Variants in PPP6R3 observed in about 807,000 individuals in gnomAD.
PPP6R3 encodes the protein serine/threonine-protein phosphatase 6 regulatory subunit 3.
Under a neutral mutation model 110.7 loss-of-function variants are expected in PPP6R3, and 38 were observed. The ratio of observed to expected loss-of-function variants is 0.34; its 90% CI spans 0.26 to 0.45. The LOEUF (loss-of-function observed/expected upper bound fraction) is 0.45, where lower values mean the gene tolerates loss of function less well. Among genes scored for constraint, PPP6R3 ranks in the 20% least tolerant of loss-of-function variants. The pLI is 1.00. For synonymous variants in PPP6R3, 369 were observed against 373.5 expected, an observed-to-expected ratio of 0.99 and a Z score of 0.14; for missense variants, 870 against 1,062.4, an observed-to-expected ratio of 0.82 and a Z score of 2.52.
At chr11:68,574,486 C>T (rs1006661706) in intron 13 of PPP6R3, among the ~76,000 whole-genome samples, 8 of 152,172 alleles carry the variant, frequency 5.3e-5, no homozygotes, top group African/African-American at 1.9e-4. Flanking sequence ...CACCTATTGT[C>T]ATTCTTAAAG....
At chr11:68,532,143 C>T (rs1448778608) in intron 2 of PPP6R3, among the ~76,000 whole-genome samples, 1 of 152,282 alleles carries the variant, frequency 6.6e-6, no homozygotes, top group Non-Finnish European at 1.5e-5. Context: ...TGCTTGAATG[C>T]CTTGAATTCA....
At chr11:68,523,971 T>A (rs1443616243) in intron 2 of PPP6R3, among the ~76,000 whole-genome samples, 1 of 152,184 alleles carries the variant, frequency 6.6e-6, no homozygotes, top group Non-Finnish European at 1.5e-5. Flanking sequence ...CATAATCTTT[T>A]CTATTTTCTT....
At chr11:68,568,964 C>T (rs2099490960) in intron 10 of PPP6R3, among the ~76,000 whole-genome samples, 1 of 152,076 alleles carries the variant, frequency 6.6e-6, no homozygotes, top group South Asian at 2.1e-4. Flanking sequence ...CGGGGTTTCA[C>T]CGTGTTAGGA....
intron 2 of PPP6R3, among the ~76,000 whole-genome samples, chr11:68,533,481 G>C (rs769212254): frequency 2.6e-5 from 4 of 152,000 alleles, no homozygotes; most frequent in Non-Finnish European, 5.9e-5. Flanking sequence ...GAGAGGCAGA[G>C]GTGGTCGATT....
At chr11:68,477,862 A>G (rs542773918) in intron 1 of PPP6R3, among the ~76,000 whole-genome samples, 2 of 149,638 alleles carry the variant, frequency 1.3e-5, no homozygotes, top group South Asian at 4.2e-4. Context: ...GATTTGTCAG[A>G]TTCTGTAGCA....
chr11:68,597,141 C>CG (rs1566107666), intron 19 of PPP6R3, among the ~76,000 whole-genome samples: 1 of 152,154 alleles, frequency 6.6e-6, no homozygotes, highest in African/African-American at 2.4e-5. Flanking sequence ...TAACTGTGAA[C>CG]GGGCCACAGA....
chr11:68,506,882 T>C (rs576634632), intron 1 of PPP6R3, among the ~76,000 whole-genome samples: 3 of 152,342 alleles, frequency 2.0e-5, no homozygotes, highest in Non-Finnish European at 2.9e-5. Context: ...CTTGATTGTA[T>C]ACCTTGGCTG....
chr11:68,592,035 G>A (rs773127977), intron 18 of PPP6R3, among the ~76,000 whole-genome samples: 7 of 152,218 alleles, frequency 4.6e-5, no homozygotes, highest in African/African-American at 9.6e-5. Context: ...CAGCAGTTAT[G>A]TGTTGTTTCT....
chr11:68,551,220 G>T, intron 6 of PPP6R3, 34 bp downstream of exon 6: 1 of 1,369,742 alleles, frequency 7.3e-7, no homozygotes. Context: ...AACTTGATTA[G>T]AAAAAAAAAA....
At chr11:68,488,501 A>T (rs920046128) in intron 1 of PPP6R3, 3 of 151,934 alleles carry the variant, frequency 2.0e-5, no homozygotes, top group African/African-American at 7.3e-5. Context: ...GTGTGTCTTT[A>T]TATTTAAAGT....
intron 8 of PPP6R3, among the ~76,000 whole-genome samples, chr11:68,561,688 A>T (rs987771311): frequency 1.3e-5 from 2 of 152,232 alleles, no homozygotes; most frequent in African/African-American, 4.8e-5. Flanking sequence ...CATTTTGTTA[A>T]ATTCCTTTAT....
chr11:68,608,814 A>G (rs533153851), intron 22 of PPP6R3, among the ~76,000 whole-genome samples: 4 of 152,314 alleles, frequency 2.6e-5, no homozygotes, highest in South Asian at 2.1e-4. Flanking sequence ...TGTTATGACT[A>G]TTTTTTAAAG....
At chr11:68,590,491 C>T (rs1301124499) in intron 16 of PPP6R3, among the ~76,000 whole-genome samples, 169 bp from the exon 17 acceptor site, 1 of 152,166 alleles carries the variant, frequency 6.6e-6, no homozygotes, top group African/African-American at 2.4e-5. Context: ...TCATTAATAC[C>T]AAGGGAGCTG....
chr11:68,529,880 A>C (rs1158921149), intron 2 of PPP6R3, among the ~76,000 whole-genome samples: 1 of 152,062 alleles, frequency 6.6e-6, no homozygotes, highest in Non-Finnish European at 1.5e-5. Flanking sequence ...GTGGAAGGAG[A>C]TGGGGGCCAT....
At chr11:68,508,121 CTTTTTTTT>C (rs748376581) in intron 1 of PPP6R3, among the ~76,000 whole-genome samples, 2 of 77,608 alleles carry the variant, frequency 2.6e-5, no homozygotes, top group African/African-American at 1.2e-4. Context: ...GTTTTTTGGC[CTTTTTTTT>C]TTTTTTTTTT....
chr11:68,474,196 C>T (rs1219158475), intron 1 of PPP6R3, among the ~76,000 whole-genome samples: 2 of 152,116 alleles, frequency 1.3e-5, no homozygotes, highest in African/African-American at 2.4e-5. Flanking sequence ...AAGCACACAC[C>T]ACCATGCCTG....
At chr11:68,502,247 T>C (rs2099052514) in intron 1 of PPP6R3, among the ~76,000 whole-genome samples, 1 of 152,346 alleles carries the variant, frequency 6.6e-6, no homozygotes, top group African/African-American at 2.4e-5. Context: ...GTCCAAAATA[T>C]TATTTCAACA....
At chr11:68,535,477 T>A (rs2153637280) in intron 2 of PPP6R3, 1 of 152,318 alleles carries the variant, frequency 6.6e-6, no homozygotes, top group Non-Finnish European at 1.5e-5. Context: ...TCCAGGTGGA[T>A]CATCACAGTG....
intron 2 of PPP6R3, among the ~76,000 whole-genome samples, chr11:68,522,925 T>C (rs1305372658): frequency 6.6e-6 from 1 of 152,218 alleles, no homozygotes; most frequent in Non-Finnish European, 1.5e-5. Context: ...ATAACAATTG[T>C]TCCATCTTTC....
Sources: allele counts gnomAD v4.1 joint callset (sites outside exome capture counted in the v4.1 genomes callset), GRCh38; gene constraint gnomAD v4.1.1; transcripts MANE v1.5; gene names NCBI Gene and HGNC (gene_info 2026-07-23, HGNC 2026-07-21).